JADE3: variants seen among roughly 807,000 people sequenced by gnomAD.
The protein encoded by JADE3 is protein Jade-3.
JADE3 carries 2 observed loss-of-function variants against 50.1 expected under a neutral mutation model. That is an observed-to-expected ratio of 0.04 (90% CI 0.02 to 0.13). The LOEUF is 0.13. Among genes scored for constraint, JADE3 ranks in the 10% least tolerant of loss-of-function variants. JADE3 has a pLI of 1.00. For missense variants in JADE3, 475 were observed against 634.4 expected, an observed-to-expected ratio of 0.75 and a Z score of 2.70; for synonymous variants, 218 against 232.9, an observed-to-expected ratio of 0.94 and a Z score of 0.58.
At chrX:46,918,360 T>A (rs1926153274) in intron 1 of JADE3, among the ~76,000 whole-genome samples, 1 of 112,121 alleles carries the variant, frequency 8.9e-6, no homozygotes, top group Non-Finnish European at 1.9e-5. Context: ...TTTTTTATGT[T>A]TTTTGTTTTT....
chrX:47,044,891 C>T (rs183527541), intron 8 of JADE3, among the ~76,000 whole-genome samples: 3 of 110,918 alleles, frequency 2.7e-5, no homozygotes, highest in Non-Finnish European at 3.8e-5. Flanking sequence ...AGATATTATC[C>T]GCAAGGCCCA....
At chrX:46,956,053 T>G (rs1927107103) in intron 1 of JADE3, among the ~76,000 whole-genome samples, 1 of 111,675 alleles carries the variant, frequency 9.0e-6, no homozygotes, top group Non-Finnish European at 1.9e-5. Flanking sequence ...ACCCGTGGCC[T>G]TTTTTTGTGT....
chrX:46,969,975 C>A (rs1454557375), intron 1 of JADE3, among the ~76,000 whole-genome samples: 1 of 111,890 alleles, frequency 8.9e-6, no homozygotes, highest in African/African-American at 3.3e-5. Context: ...GCAAGATAAA[C>A]CCAAAGTAAG....
At chrX:47,008,184 A>G (rs1221556335) in intron 4 of JADE3, among the ~76,000 whole-genome samples, 7 of 111,833 alleles carry the variant, frequency 6.3e-5, no homozygotes, top group Non-Finnish European at 1.1e-4. Flanking sequence ...TTTACAGCCA[A>G]AAAGAACTTA....
intron 1 of JADE3, among the ~76,000 whole-genome samples, chrX:46,931,970 C>A (rs1311232051): frequency 8.9e-6 from 1 of 111,967 alleles, no homozygotes; most frequent in Non-Finnish European, 1.9e-5. Context: ...ATAGCTGGAT[C>A]TGATCTGACT....
At chrX:46,937,369 A>G (rs1926651628) in intron 1 of JADE3, among the ~76,000 whole-genome samples, 1 of 110,949 alleles carries the variant, frequency 9.0e-6, no homozygotes, top group Admixed American at 9.6e-5. Context: ...TTGAAAGAAC[A>G]CGTATTCTGC....
intron 8 of JADE3, among the ~76,000 whole-genome samples, chrX:47,052,191 G>A (rs782565754): frequency 9.0e-6 from 1 of 110,591 alleles, no homozygotes; most frequent in East Asian, 2.8e-4. Flanking sequence ...GTAGTCATGG[G>A]CCAGGTCCTT....
intron 3 of JADE3, among the ~76,000 whole-genome samples, chrX:46,987,843 A>G (rs1178687890): frequency 8.9e-6 from 1 of 112,166 alleles, no homozygotes; most frequent in Non-Finnish European, 1.9e-5. Flanking sequence ...TGCAAGGGAT[A>G]GGGGACCTGG....
intron 1 of JADE3, among the ~76,000 whole-genome samples, chrX:46,965,527 A>G (rs782790608): frequency 1.1e-3 from 121 of 111,874 alleles, no homozygotes; most frequent in Non-Finnish European, 1.9e-3. Context: ...GGCCACTCTG[A>G]GAGCATACTG....
In JADE3 at chrX:47,033,866, C is replaced by G. The variant is rs781805097; in HGVS notation, c.855+78C>G. ...CCCACAGCATTCAGACTGACTCAGG[C>G]TCAGTATGGAAATGCTTCATGCTTG... On this transcript the variant is annotated intron_variant, in intron 7 of 10. Coordinates refer to ENST00000614628, the MANE Select transcript of JADE3 (RefSeq NM_014735.5). 30 of 861,790 alleles carry G rather than the reference C, an allele frequency of 3.5e-5. No homozygotes were observed. The South Asian group carries it at 8.1e-4, about 23-fold the overall frequency. 71.0% of individuals were successfully genotyped at this position (861,790 alleles called of 1,213,427 possible). A position where few individuals can be genotyped will look rare whatever the true frequency, so the allele number is the denominator to read the frequency against.
chrX:46,975,714 CTTTTTT>C (rs782578317), intron 1 of JADE3, among the ~76,000 whole-genome samples: 51 of 40,518 alleles, frequency 1.3e-3, no homozygotes, highest in Admixed American at 3.7e-3. Context: ...TTTTCTTTTT[CTTTTTT>C]TTTTTTTTTT....
chrX:46,968,790 C>A, intron 1 of JADE3, among the ~76,000 whole-genome samples: 1 of 109,943 alleles, frequency 9.1e-6, no homozygotes, highest in African/African-American at 3.3e-5. Context: ...CAAAGCAAAA[C>A]CCAACAGACC....
Position 47,054,555 on chromosome X carries a change from T to A in JADE3, c.1370T>A (p.Leu457Gln). The change falls in exon 9 of 11, where the codon CTG becomes CAG. Residue 457 changes from leucine (L) to glutamine (Q), a missense_variant. Around this residue, in one of 6 missense-constraint regions of JADE3, gnomAD observed 81 missense variants for 123.8 expected, o/e 0.65. Transcript: ENST00000614628. ...CCAAAGGAGGATGAAGAAAATGGGCTGGTGCAGCCAAAAGAGGAAAGCATT... is the reference window on the plus strand; with the variant it reads ...CCAAAGGAGGATGAAGAAAATGGGCAGGTGCAGCCAAAAGAGGAAAGCATT... The part of the protein sequence containing the change: ...FPPKEDEENG[L>Q]VQPKEESIHT... The A allele has an allele frequency of 8.3e-7, 1 of 1,210,794 alleles. No individual in the cohort carries two copies.
chrX:47,028,121 C>T lies in JADE3; in HGVS notation c.687+18C>T. 3.7e-6 allele frequency: 4 copies of T among 1,094,590 alleles called. No homozygotes were observed. The highest frequency in any genetic ancestry group is 5.1e-6 in the Non-Finnish European group (4 of 791,456). The allele number at this position is 1,094,590 out of a possible 1,213,427, so 90.2% of individuals were successfully genotyped here. On this transcript the variant is annotated intron_variant, in intron 6 of 10. Coordinates refer to ENST00000614628, the MANE Select transcript of JADE3 (RefSeq NM_014735.5). Reference sequence around the variant, plus strand: ...TGCATCAGGTTAGTGAGAGTGGAGACCGTCATCTCCCTACGGTCAGCCTTT... The same window carrying T: ...TGCATCAGGTTAGTGAGAGTGGAGATCGTCATCTCCCTACGGTCAGCCTTT...
At chrX:46,957,889 A>G (rs782133701) in intron 1 of JADE3, among the ~76,000 whole-genome samples, 19 of 112,219 alleles carry the variant, frequency 1.7e-4, no homozygotes, top group African/African-American at 6.1e-4. Flanking sequence ...TTTTATAAAC[A>G]GTTCTATGTT....
chrX:47,027,863 GTTGA>G (rs1928937306), intron 5 of JADE3, 25 bp from the exon 6 acceptor site: 6 of 1,162,464 alleles, frequency 5.2e-6, no homozygotes, highest in Non-Finnish European at 4.7e-6. Flanking sequence ...TGACTGATGG[GTTGA>G]TTGATTGTTT....
At chrX:46,999,485 A>AT (rs1556358436) in intron 4 of JADE3, among the ~76,000 whole-genome samples, 35 of 105,046 alleles carry the variant, frequency 3.3e-4, no homozygotes, top group African/African-American at 6.5e-4. Context: ...ATATATATAT[A>AT]AAATAGGGTC....
chrX:46,915,721 C>CA (rs1318292430), intron 1 of JADE3, among the ~76,000 whole-genome samples: 2 of 108,854 alleles, frequency 1.8e-5, no homozygotes, highest in African/African-American at 6.7e-5. Flanking sequence ...AAATTCTTAC[C>CA]ATTAGAACTG....
At chrX:46,966,659 A>G (rs1278200865) in intron 1 of JADE3, among the ~76,000 whole-genome samples, 3 of 111,977 alleles carry the variant, frequency 2.7e-5, no homozygotes, top group Non-Finnish European at 5.6e-5. Flanking sequence ...CTGGTGAGAT[A>G]GAAGCAATTA....
Sources: gnomAD v4.1 joint callset for allele counts (sites outside exome capture counted in the v4.1 genomes callset) on GRCh38, gnomAD v4.1.1 for gene constraint, gnomAD v4.1.1 regional missense constraint, MANE v1.5 for transcripts, NCBI Gene and HGNC (gene_info 2026-07-23, HGNC 2026-07-21) for gene names.